The following SHANK2 variants were observed in gnomAD, a reference collection of about 807,000 sequenced individuals.
SHANK2 encodes SH3 and multiple ankyrin repeat domains protein 2.
Under a neutral mutation model 133.7 loss-of-function variants are expected in SHANK2, and 43 were observed. The observed-to-expected ratio is 0.32, with a 90% CI of 0.25 to 0.41. The LOEUF is 0.41. SHANK2 is among the 10% of genes least tolerant of loss of function. The pLI, the probability that SHANK2 is intolerant of heterozygous loss-of-function variation, is 1.00. For synonymous variants in SHANK2, 1,017 were observed against 952.8 expected, an observed-to-expected ratio of 1.07 and a Z score of -1.24; for missense variants, 1,994 against 2,235.8, an observed-to-expected ratio of 0.89 and a Z score of 2.18.
At chr11:71,199,097 TCCAGAGA>T (rs1555116679) in intron 2 of SHANK2, among the ~76,000 whole-genome samples, 1 of 151,922 alleles carries the variant, frequency 6.6e-6, no homozygotes, top group Non-Finnish European at 1.5e-5. Flanking sequence ...CCCAAGAAGG[TCCAGAGA>T]CCAGAGACAG....
In SHANK2 at chr11:70,863,913, C is replaced by G. The variant is rs1555068476; in HGVS notation, c.1174+32588G>C. The G allele has an allele frequency of 1.1e-5, 5 of 453,198 alleles. No homozygotes were observed. In the Admixed American group the frequency reaches 1.2e-4, roughly 11 times the overall value. The allele number at this position is 453,198 out of a possible 1,614,324, so 28.1% of individuals were successfully genotyped here. A position where few individuals can be genotyped will look rare whatever the true frequency, so the allele number is the denominator to read the frequency against. ...AACCAGCCCTGGGACACCCTAATCA[C>G]AGGCGTCCGCCCCCACAACGGTGAG... On this transcript the variant is annotated intron_variant, in intron 11 of 25. Transcript: ENST00000601538.
chr11:70,862,866 A>T (rs1949283768), intron 11 of SHANK2: 1 of 253,166 alleles, frequency 3.9e-6, no homozygotes, highest in Non-Finnish European at 7.8e-6. Flanking sequence ...AGTAAACTGG[A>T]GGTAAGAATT....
rs1389661029 is a variant in SHANK2 at position 71,076,688 on chromosome 11, T to C, written c.913-1413A>G. Among the ~76,000 whole-genome samples, 14 of 152,302 alleles carry C rather than the reference T, an allele frequency of 9.2e-5. No individual in the cohort carries two copies. In the East Asian group the frequency reaches 2.7e-3, roughly 30 times the overall value. ...GGCCCCTTCTTCTGGGAACTCCACCTGCGTTTGCCTTTGGGGGCTACCCCA... is the reference window on the plus strand; with the variant it reads ...GGCCCCTTCTTCTGGGAACTCCACCCGCGTTTGCCTTTGGGGGCTACCCCA... On this transcript the variant is annotated intron_variant, in intron 8 of 25. Transcript: ENST00000601538.
Position 70,485,447 on chromosome 11 carries a change from G to T in SHANK2, c.4846C>A (p.Leu1616Ile), listed in dbSNP as rs1423316190. Residue 1616 changes from leucine (L) to isoleucine (I), a missense_variant, in exon 25 of 26, where the codon CTC (leucine) becomes ATC (isoleucine). Coordinates refer to ENST00000601538, the MANE Select transcript of SHANK2 (RefSeq NM_012309.5). This position sits in a 1 kb window ranked among gnomAD's most constrained non-coding sequence, Gnocchi z 5.8. Reference protein sequence around the residue: ...GDVTEIKSPILSGPKANVISE... With the variant: ...GDVTEIKSPIISGPKANVISE... ...ATAACGTTTGCCTTTGGGCCTGAGA[G>T]AATCGGGCTTTTGATCTCTGTGACG... The T allele has an allele frequency of 6.2e-7, 1 of 1,614,052 alleles. No homozygotes were observed. Among genetic ancestry groups the T allele is most frequent in the Non-Finnish European group, 8.5e-7 (1 of 1,180,044 alleles).
chr11:70,688,395 C>T (rs117942731), intron 15 of SHANK2, among the ~76,000 whole-genome samples: 5 of 152,124 alleles, frequency 3.3e-5, no homozygotes, highest in Non-Finnish European at 5.9e-5. Context: ...GTGGCCAGGT[C>T]GGAGCACACC....
rs116965965 is a variant in SHANK2, at chr11:70,671,393, C to T, written c.1854-9715G>A. Reference sequence around the variant, plus strand: ...GGCCAAGTTCCTCAACCTCGTCGAGCGCCAGTATCCTCACTTGACGACTAC... The same window carrying T: ...GGCCAAGTTCCTCAACCTCGTCGAGTGCCAGTATCCTCACTTGACGACTAC... On this transcript the variant is annotated intron_variant, in intron 15 of 25. Coordinates refer to ENST00000601538, the MANE Select transcript of SHANK2 (RefSeq NM_012309.5). Among the ~76,000 whole-genome samples, 893 of 152,306 alleles carry T rather than the reference C, an allele frequency of 5.9e-3. 11 individuals carry two copies. The highest frequency in any genetic ancestry group is 0.017 in the Middle Eastern group (5 of 294).
In SHANK2 at chr11:70,810,389, C is replaced by T. The variant is rs373169181; in HGVS notation, c.1494-3218G>A. ...AGCTGGGAGGGGTGGGAGCCTGTACCGCAGGCACTGAGCGTCTCACGGCTG... is the reference window on the plus strand; with the variant it reads ...AGCTGGGAGGGGTGGGAGCCTGTACTGCAGGCACTGAGCGTCTCACGGCTG... On this transcript the variant is annotated intron_variant, in intron 12 of 25. Transcript: ENST00000601538. 5.0e-4 allele frequency among the ~76,000 whole-genome samples: 76 copies of T among 152,322 alleles called. 1 individual carries two copies. The highest frequency in any genetic ancestry group is 1.5e-3 in the African/African-American group (63 of 41,588).
rs2058822935 is a variant in SHANK2, at chr11:70,487,227, G to A, written c.3066C>T (p.Ser1022=). The stretch of plus-strand genomic sequence containing the variant: ...TAGGGATGGAGCACGTCTTCTCGGG[G>A]CTGTCCTCCACGTTGGACTGCTTCA... ...MLVKQSNVED[S]PEKTCSIPIP... Residue 1022 remains serine (S), a synonymous_variant, in exon 25 of 26, where the codon AGC becomes AGT. Transcript: ENST00000601538. The surrounding 1 kb of genome is among the most constrained non-coding windows in gnomAD (Gnocchi z 5.8). 1 of 1,613,966 alleles carries A rather than the reference G, an allele frequency of 6.2e-7. No homozygotes were observed.
At chr11:70,884,240 C>T (rs568748516) in intron 11 of SHANK2, among the ~76,000 whole-genome samples, 1 of 152,324 alleles carries the variant, frequency 6.6e-6, no homozygotes, top group South Asian at 2.1e-4. Flanking sequence ...GTGCTTCTCA[C>T]ACGTGGTGGG....
At chr11:70,885,718 G>A (rs1949730967) in intron 11 of SHANK2, among the ~76,000 whole-genome samples, 1 of 152,194 alleles carries the variant, frequency 6.6e-6, no homozygotes, top group Non-Finnish European at 1.5e-5. Flanking sequence ...ATTGCCCCGG[G>A]AGCACCATGT....
At chr11:70,687,038 C>T (rs2134419106) in intron 15 of SHANK2, among the ~76,000 whole-genome samples, 1 of 152,340 alleles carries the variant, frequency 6.6e-6, no homozygotes, top group South Asian at 2.1e-4. Flanking sequence ...CCCAACCCTG[C>T]CCAGCCTGTC....
chr11:70,900,035 G>A lies in SHANK2; in HGVS notation c.1108-3468C>T, dbSNP rs114613644. 5.9e-3 allele frequency among the ~76,000 whole-genome samples: 897 copies of A among 152,282 alleles called. 8 individuals are homozygous for A. The highest frequency in any genetic ancestry group is 0.02 in the African/African-American group (839 of 41,548). On this transcript the variant is annotated intron_variant, in intron 10 of 25. Transcript: ENST00000601538. ...CACAAGTAAAGGTTTAGAGCAGTGC[G>A]TGGCACATGGCCAATCAACCCTAAA...
intron 14 of SHANK2, among the ~76,000 whole-genome samples, chr11:70,748,041 C>G (rs1390925505): frequency 6.7e-6 from 1 of 148,692 alleles, no homozygotes; most frequent in African/African-American, 2.6e-5. Flanking sequence ...CGGGGGTTAT[C>G]TTGTCCACTC....
intron 11 of SHANK2, among the ~76,000 whole-genome samples, chr11:70,885,154 C>A (rs1034309129): frequency 6.6e-6 from 1 of 151,644 alleles, no homozygotes; most frequent in East Asian, 2.0e-4. Flanking sequence ...AACCAGGGAA[C>A]AAAGTCATCT....
At chr11:70,624,649 C>T (rs930539927) in intron 17 of SHANK2, among the ~76,000 whole-genome samples, 6 of 152,188 alleles carry the variant, frequency 3.9e-5, no homozygotes, top group African/African-American at 1.2e-4. Context: ...CAGGGAACCA[C>T]GTGTCAACGT....
intron 10 of SHANK2, among the ~76,000 whole-genome samples, chr11:70,947,737 C>A (rs912818689): frequency 6.6e-6 from 1 of 152,160 alleles, no homozygotes; most frequent in African/African-American, 2.4e-5. Context: ...CTGGACTGGA[C>A]AGGGAGCTCT....
chr11:70,809,341 GCCCATGCACACAGGGA>G (rs1948231624), intron 12 of SHANK2, among the ~76,000 whole-genome samples: 1 of 152,204 alleles, frequency 6.6e-6, no homozygotes, highest in Non-Finnish European at 1.5e-5. Flanking sequence ...GGGAGGAAGG[GCCCATGCACACAGGGA>G]CCCATGCAAA....
chr11:70,831,259 G>A (rs1948720646), intron 11 of SHANK2, among the ~76,000 whole-genome samples: 1 of 152,014 alleles, frequency 6.6e-6, no homozygotes, highest in Non-Finnish European at 1.5e-5. Flanking sequence ...ATCTCAAAAC[G>A]CAGGCGAGCA....
At chr11:71,081,194 G>A (rs1329780922) in intron 8 of SHANK2, among the ~76,000 whole-genome samples, 1 of 152,184 alleles carries the variant, frequency 6.6e-6, no homozygotes, top group Non-Finnish European at 1.5e-5. Flanking sequence ...GTGTCTGCAA[G>A]CCAAGGAGAG....
Sources: gnomAD v4.1 joint callset for allele counts (sites outside exome capture counted in the v4.1 genomes callset) on GRCh38, gnomAD v4.1.1 for gene constraint, Gnocchi (gnomAD v3.1) non-coding constraint, MANE v1.5 for transcripts, NCBI Gene and HGNC (gene_info 2026-07-23, HGNC 2026-07-21) for gene names.